DGKI: variants seen among roughly 807,000 people sequenced by gnomAD.
DGKI encodes the protein DAG kinase iota.
In DGKI, 55 loss-of-function variants were observed where a neutral mutation model predicts 147.5. That is an observed-to-expected ratio of 0.37 (90% CI 0.30 to 0.47). DGKI has a LOEUF of 0.47. Among genes scored for constraint, DGKI ranks in the 20% least tolerant of loss-of-function variants. DGKI has a pLI of 1.00. For missense variants in DGKI, 1,007 were observed against 1,323.8 expected (o/e 0.76, Z 3.71); for synonymous variants, 469 against 477.1 (o/e 0.98, Z 0.22).
At chr7:137,549,836 G>A (rs1817986158) in intron 20 of DGKI, among the ~76,000 whole-genome samples, 1 of 152,166 alleles carries the variant, frequency 6.6e-6, no homozygotes, top group Non-Finnish European at 1.5e-5. Context: ...TTAATCATAG[G>A]TTAGAAGGTA....
intron 27 of DGKI, among the ~76,000 whole-genome samples, chr7:137,454,289 G>T (rs949734597): frequency 1.3e-5 from 2 of 152,026 alleles, no homozygotes; most frequent in Non-Finnish European, 2.9e-5. Flanking sequence ...TTAAAAAAAC[G>T]CTGTTTTACC....
In DGKI at chr7:137,465,959, G is replaced by A. The variant is rs756872404; in HGVS notation, c.2561C>T (p.Pro854Leu). 1.1e-4 allele frequency: 175 copies of A among 1,614,122 alleles called. No individual in the cohort carries two copies. Among genetic ancestry groups the A allele is most frequent in the Non-Finnish European group, 1.4e-4 (170 of 1,179,992 alleles). ...ILDPDMVVSQPAGTPPGMPDL... is the reference protein window; with the variant it reads ...ILDPDMVVSQLAGTPPGMPDL... ...AGGCATGCCCGGAGGTGTCCCCGCC[G>A]GCTGTGACACCACCATATCTGGGTC... The change falls in exon 26 of 33, where the codon CCG becomes CTG. Residue 854 changes from proline to leucine, a missense_variant. Around this residue, in one of 5 missense-constraint regions of DGKI, gnomAD observed 385 missense variants for 445.2 expected, o/e 0.86. Transcript: ENST00000614521.
chr7:137,577,191 A>C (rs922467992), intron 17 of DGKI, 31 bp downstream of exon 17: 1 of 1,485,744 alleles, frequency 6.7e-7, no homozygotes, highest in Non-Finnish European at 9.3e-7. Context: ...ATCATATTCA[A>C]ATTAAATAAA....
At chr7:137,470,763 C>G (rs1814850653) in intron 23 of DGKI, among the ~76,000 whole-genome samples, 1 of 152,020 alleles carries the variant, frequency 6.6e-6, no homozygotes, top group African/African-American at 2.4e-5. Context: ...CCCTTCCAAA[C>G]TCCTGAAGCT....
At chr7:137,455,550 A>G (rs911827511) in intron 27 of DGKI, among the ~76,000 whole-genome samples, 6 of 148,028 alleles carry the variant, frequency 4.1e-5, no homozygotes, top group African/African-American at 1.5e-4. Flanking sequence ...TAAGACCAGC[A>G]TCTCACAGAG....
chr7:137,410,932 G>T (rs1647185), intron 29 of DGKI, among the ~76,000 whole-genome samples: 146,837 of 152,350 alleles, frequency 0.96, 70,995 homozygotes, highest in East Asian at 1. Flanking sequence ...CTATGATCTG[G>T]GCAGTGGCAC....
At chr7:137,821,717 C>A (rs886866777) in intron 1 of DGKI, among the ~76,000 whole-genome samples, 2 of 151,656 alleles carry the variant, frequency 1.3e-5, no homozygotes, top group African/African-American at 4.8e-5. Context: ...CAGATGACAA[C>A]CTTTTTGGAA....
At chr7:137,680,472 C>G (rs1418331788) in intron 2 of DGKI, among the ~76,000 whole-genome samples, 2 of 152,264 alleles carry the variant, frequency 1.3e-5, no homozygotes, top group Non-Finnish European at 2.9e-5. Context: ...AAGCTTAGTA[C>G]AGCAAAGCAG....
chr7:137,393,522 C>A (rs1206474903), intron 32 of DGKI, among the ~76,000 whole-genome samples: 1 of 152,162 alleles, frequency 6.6e-6, no homozygotes, highest in South Asian at 2.1e-4. Context: ...CTCCATTAAT[C>A]CTGAATATAA....
At chr7:137,832,019 T>A (rs1344887377) in intron 1 of DGKI, among the ~76,000 whole-genome samples, 1 of 152,224 alleles carries the variant, frequency 6.6e-6, no homozygotes, top group Non-Finnish European at 1.5e-5. Context: ...TGTCTCAAAT[T>A]CAGGTCGTGC....
At chr7:137,821,958 C>T (rs1005489909) in intron 1 of DGKI, among the ~76,000 whole-genome samples, 1 of 152,128 alleles carries the variant, frequency 6.6e-6, no homozygotes, top group Non-Finnish European at 1.5e-5. Flanking sequence ...CTGACTACTC[C>T]CATGTGCCAC....
intron 27 of DGKI, among the ~76,000 whole-genome samples, chr7:137,452,588 C>T (rs1814014204): frequency 6.6e-6 from 1 of 152,218 alleles, no homozygotes; most frequent in Admixed American, 6.5e-5. Flanking sequence ...ATTTCCCTTT[C>T]ATGCCTGTCT....
chr7:137,836,097 G>C (rs1798372897), intron 1 of DGKI, among the ~76,000 whole-genome samples: 1 of 152,088 alleles, frequency 6.6e-6, no homozygotes, highest in Non-Finnish European at 1.5e-5. Flanking sequence ...CCTAAATTTA[G>C]TCAGTATAAC....
chr7:137,502,865 T>C (rs981400789), intron 21 of DGKI, among the ~76,000 whole-genome samples: 1 of 152,040 alleles, frequency 6.6e-6, no homozygotes. Flanking sequence ...AACACTGAGC[T>C]CAGAGAAGTG....
chr7:137,411,115 A>G (rs1016330833), intron 29 of DGKI, among the ~76,000 whole-genome samples: 1 of 152,192 alleles, frequency 6.6e-6, no homozygotes, highest in Non-Finnish European at 1.5e-5. Context: ...AGGACTGTTC[A>G]GCTTTCTCTT....
intron 30 of DGKI, among the ~76,000 whole-genome samples, chr7:137,400,415 G>T (rs553244582): frequency 6.6e-6 from 1 of 152,304 alleles, no homozygotes; most frequent in South Asian, 2.1e-4. Flanking sequence ...CTGTCATTCG[G>T]TGTTCTCAGA....
chr7:137,822,282 C>CT (rs1797928684), intron 1 of DGKI, among the ~76,000 whole-genome samples: 1 of 152,144 alleles, frequency 6.6e-6, no homozygotes, highest in South Asian at 2.1e-4. Flanking sequence ...TGGCACATGC[C>CT]TGTAATCCCA....
intron 28 of DGKI, among the ~76,000 whole-genome samples, chr7:137,443,407 C>A (rs1563022117): frequency 6.6e-6 from 1 of 152,166 alleles, no homozygotes; most frequent in Non-Finnish European, 1.5e-5. Flanking sequence ...GGGCCCCAAA[C>A]CAAAGTTCCA....
At chr7:137,618,151 A>ATATTTTTTTTT in intron 8 of DGKI, among the ~76,000 whole-genome samples, 8 of 10,462 alleles carry the variant, frequency 7.6e-4, no homozygotes, top group African/African-American at 1.0e-3. Context: ...ATATATATAT[A>ATATTTTTTTTT]TTTTTTTTTT....
Sources: gnomAD v4.1 joint callset for allele counts (sites outside exome capture counted in the v4.1 genomes callset) on GRCh38, gnomAD v4.1.1 for gene constraint, gnomAD v4.1.1 regional missense constraint, MANE v1.5 for transcripts, NCBI Gene and HGNC (gene_info 2026-07-23, HGNC 2026-07-21) for gene names.